Variants in KDM3A observed in about 807,000 individuals in gnomAD.
KDM3A encodes the protein lysine demethylase 3A, also known as lysine-specific demethylase 3A.
Under a neutral mutation model 158.0 loss-of-function variants are expected in KDM3A, and 60 were observed. The observed-to-expected ratio is 0.38, with a 90% CI of 0.31 to 0.47. KDM3A has a LOEUF of 0.47. Among genes scored for constraint, KDM3A ranks in the 20% least tolerant of loss-of-function variants. The probability of loss-of-function intolerance (pLI) is 0.99; values close to 1 mark genes in which losing one functional copy is unlikely to be tolerated. For synonymous variants in KDM3A, 608 were observed against 549.3 expected (o/e 1.11, Z -1.49); for missense variants, 1,319 against 1,574.3 (o/e 0.84, Z 2.74).
rs199570007 is a variant in KDM3A, at chr2:86,482,718, T to A, written c.2922+24T>A. The A allele has an allele frequency of 1.2e-4, 196 of 1,610,348 alleles. No homozygotes were observed. The African/African-American group carries it at 1.5e-3, about 12-fold the overall frequency. On this transcript the variant is annotated intron_variant, in intron 18 of 25. Transcript: ENST00000312912. ...AGGTAATGTAGGCCTCCCATCCTCC[T>A]GCCCTATTCAGAACCCCCTTCTCAG...
intron 4 of KDM3A, among the ~76,000 whole-genome samples, chr2:86,452,210 T>TTG (rs1672500804): frequency 6.6e-6 from 1 of 151,088 alleles, no homozygotes; most frequent in African/African-American, 2.4e-5. Flanking sequence ...TTTTTTTTTT[T>TTG]GGTGATTTCA....
chr2:86,470,084 A>T (rs1673330639), intron 10 of KDM3A, 120 bp from the exon 11 acceptor site: 3 of 737,356 alleles, frequency 4.1e-6, no homozygotes, highest in Non-Finnish European at 6.8e-6. Flanking sequence ...CAATTGAACC[A>T]GGAATTGAGA....
At chr2:86,467,404 A>G (rs1002675681) in intron 10 of KDM3A, 2 of 152,820 alleles carry the variant, frequency 1.3e-5, no homozygotes, top group Non-Finnish European at 2.9e-5. Flanking sequence ...AAGATGCAGA[A>G]TTGTATCATT....
chr2:86,470,572 G>T (rs770995693), intron 11 of KDM3A, among the ~76,000 whole-genome samples, 164 bp downstream of exon 11: 3 of 152,156 alleles, frequency 2.0e-5, no homozygotes, highest in Non-Finnish European at 2.9e-5. Flanking sequence ...CTTATTGCAT[G>T]TTACTTTTCA....
At position 86,470,264 on chromosome 2, in the gene KDM3A, G is replaced by T; in HGVS notation, c.1580G>T (p.Gly527Val). 1.2e-6 allele frequency: 2 copies of T among 1,614,134 alleles called. No homozygotes were observed. Among genetic ancestry groups the T allele is most frequent in the Non-Finnish European group, 1.7e-6 (2 of 1,180,012 alleles). ...PAKLKKLQQSGEAFVQDDSCV... is the reference protein window; with the variant it reads ...PAKLKKLQQSVEAFVQDDSCV... ...AAACTCAAAAAGCTGCAACAGAGTG[G>T]CGAGGCCTTCGTACAGGATGATTCT... The change falls in exon 11 of 26, where the codon GGC becomes GTC. Residue 527 changes from glycine (G) to valine (V), a missense_variant. Physicochemically the swap from Gly to Val is moderately radical, Grantham distance 109. This residue lies in a region of KDM3A where 652 missense variants were observed against 627.2 expected (regional missense o/e 1.04). Coordinates refer to ENST00000312912, the MANE Select transcript of KDM3A (RefSeq NM_018433.6).
chr2:86,468,247 A>C (rs1172366069), intron 10 of KDM3A, among the ~76,000 whole-genome samples: 1 of 152,222 alleles, frequency 6.6e-6, no homozygotes, highest in Non-Finnish European at 1.5e-5. Flanking sequence ...TTGAGGCTTA[A>C]GTTAATATAG....
intron 11 of KDM3A, among the ~76,000 whole-genome samples, chr2:86,471,210 CAT>C (rs1036771004): frequency 1.6e-3 from 234 of 150,890 alleles, no homozygotes; most frequent in African/African-American, 5.1e-3. Context: ...GCAAAATTTT[CAT>C]ATATATATAT....
At chr2:86,469,074 C>T (rs1419879372) in intron 10 of KDM3A, among the ~76,000 whole-genome samples, 1 of 152,186 alleles carries the variant, frequency 6.6e-6, no homozygotes, top group East Asian at 1.9e-4. Context: ...TCCTTTCTTA[C>T]TTTACCTTCT....
intron 10 of KDM3A, 108 bp from the exon 11 acceptor site, chr2:86,470,096 G>A (rs1673331132): frequency 3.7e-6 from 3 of 817,948 alleles, no homozygotes; most frequent in Admixed American, 4.8e-5. Flanking sequence ...GAATTGAGAA[G>A]GGAGTTCTCT....
intron 4 of KDM3A, among the ~76,000 whole-genome samples, 183 bp downstream of exon 4, chr2:86,451,396 T>C (rs1007842942): frequency 3.3e-5 from 5 of 152,206 alleles, no homozygotes; most frequent in African/African-American, 4.8e-5. Flanking sequence ...CTGTTGACCA[T>C]AAGCCTTATT....
chr2:86,484,205 G>C, intron 19 of KDM3A, 47 bp downstream of exon 19: 20 of 1,512,118 alleles, frequency 1.3e-5, no homozygotes, highest in Non-Finnish European at 1.7e-5. Flanking sequence ...TGAAAGGAGG[G>C]GACACAGGAA....
intron 11 of KDM3A, among the ~76,000 whole-genome samples, chr2:86,474,479 A>G (rs1466862429): frequency 6.6e-6 from 1 of 152,124 alleles, no homozygotes; most frequent in East Asian, 1.9e-4. Context: ...CCTGGCCAAC[A>G]TAGCGAAACC....
At chr2:86,477,254 A>G (rs569676969) in intron 12 of KDM3A, among the ~76,000 whole-genome samples, 1 of 152,310 alleles carries the variant, frequency 6.6e-6, no homozygotes, top group African/African-American at 2.4e-5. Flanking sequence ...CATTCCTGGC[A>G]CTGGCTAAAT....
chr2:86,443,936 T>C (rs969740742), intron 2 of KDM3A, among the ~76,000 whole-genome samples: 6 of 152,218 alleles, frequency 3.9e-5, no homozygotes, highest in Non-Finnish European at 8.8e-5. Context: ...AAATTTTCTC[T>C]AGTGCATTTG....
intron 2 of KDM3A, among the ~76,000 whole-genome samples, chr2:86,446,296 C>G (rs1682955692): frequency 6.6e-6 from 1 of 152,220 alleles, no homozygotes; most frequent in Non-Finnish European, 1.5e-5. Context: ...TAAGTCACAT[C>G]TCATTGTGGG....
chr2:86,459,089 G>C (rs948571214), intron 8 of KDM3A, among the ~76,000 whole-genome samples: 5 of 152,148 alleles, frequency 3.3e-5, no homozygotes, highest in Admixed American at 1.3e-4. Context: ...CTGCCTCAAA[G>C]AACATGACAG....
At chr2:86,475,296 T>C (rs1056276979) in intron 12 of KDM3A, among the ~76,000 whole-genome samples, 2 of 152,148 alleles carry the variant, frequency 1.3e-5, no homozygotes, top group African/African-American at 4.8e-5. Context: ...AGGTCTCAGA[T>C]TGGTTTATTT....
At chr2:86,455,292 T>C (rs969028635) in intron 5 of KDM3A, 105 bp downstream of exon 5, 7 of 707,730 alleles carry the variant, frequency 9.9e-6, no homozygotes, top group Non-Finnish European at 1.6e-5. Context: ...AATTTCTTTT[T>C]TCTTTTTTTT....
chr2:86,450,341 A>G (rs1672390526), intron 3 of KDM3A, among the ~76,000 whole-genome samples: 1 of 152,238 alleles, frequency 6.6e-6, no homozygotes, highest in African/African-American at 2.4e-5. Flanking sequence ...AAAAATCTAC[A>G]AGATAATGGC....
Sources: allele counts gnomAD v4.1 joint callset (sites outside exome capture counted in the v4.1 genomes callset), GRCh38; gene constraint gnomAD v4.1.1; regional missense constraint gnomAD v4.1.1; transcripts MANE v1.5; gene names NCBI Gene and HGNC (gene_info 2026-07-23, HGNC 2026-07-21).